The following TMEM30A variants were observed in gnomAD, a reference collection of about 807,000 sequenced individuals.
TMEM30A encodes the protein cell division cycle 50 P4-ATPase accessory subunit A.
TMEM30A carries 24 observed loss-of-function variants against 38.2 expected under a neutral mutation model. That is an observed-to-expected ratio of 0.63 (90% CI 0.46 to 0.88). The LOEUF (loss-of-function observed/expected upper bound fraction) is 0.88, where lower values mean the gene tolerates loss of function less well. Ranked by LOEUF, TMEM30A falls within the 40% of genes least tolerant of loss-of-function variation. The probability of loss-of-function intolerance (pLI) is 0.00; values close to 1 mark genes in which losing one functional copy is unlikely to be tolerated. For missense variants in TMEM30A, 370 were observed against 458.6 expected, an observed-to-expected ratio of 0.81 and a Z score of 1.77; for synonymous variants, 145 against 161.6, an observed-to-expected ratio of 0.90 and a Z score of 0.78.
intron 3 of TMEM30A, among the ~76,000 whole-genome samples, chr6:75,264,033 T>C (rs1333286539): frequency 1.3e-5 from 2 of 152,176 alleles, no homozygotes; most frequent in African/African-American, 2.4e-5. Flanking sequence ...TTCTCTGGAT[T>C]TGAGTGCTAA....
chr6:75,266,681 G>A (rs963249951), intron 2 of TMEM30A, among the ~76,000 whole-genome samples: 2 of 152,228 alleles, frequency 1.3e-5, no homozygotes, highest in Middle Eastern at 3.4e-3. Flanking sequence ...CTAGTCTCTC[G>A]TTTCTTCAAT....
chr6:75,280,321 T>A (rs1037300769), intron 1 of TMEM30A, among the ~76,000 whole-genome samples: 1 of 152,124 alleles, frequency 6.6e-6, no homozygotes, highest in African/African-American at 2.4e-5. Context: ...GCAGGCAATT[T>A]TTTTCTGTAA....
At chr6:75,264,453 T>C (rs1772028755) in intron 3 of TMEM30A, among the ~76,000 whole-genome samples, 1 of 152,044 alleles carries the variant, frequency 6.6e-6, no homozygotes, top group Non-Finnish European at 1.5e-5. Context: ...CTGGCCAGCG[T>C]GGCGAAACCC....
intron 6 of TMEM30A, among the ~76,000 whole-genome samples, 197 bp from the exon 7 acceptor site, chr6:75,256,492 T>C (rs1393782256): frequency 6.6e-6 from 1 of 152,098 alleles, no homozygotes; most frequent in East Asian, 1.9e-4. Context: ...AACTAAATGT[T>C]AGTAGTAAAA....
intron 1 of TMEM30A, chr6:75,272,621 A>G (rs1772191575): frequency 6.6e-6 from 1 of 152,250 alleles, no homozygotes; most frequent in African/African-American, 2.4e-5. Context: ...TGCTCTCACC[A>G]TTGTTCCATC....
At chr6:75,280,480 T>C (rs1201408674) in intron 1 of TMEM30A, among the ~76,000 whole-genome samples, 1 of 152,144 alleles carries the variant, frequency 6.6e-6, no homozygotes, top group Admixed American at 6.5e-5. Flanking sequence ...ATATGTACAA[T>C]TTTTTGGTAA....
intron 1 of TMEM30A, among the ~76,000 whole-genome samples, chr6:75,283,653 T>TAAAAA (rs77411428): frequency 7.4e-6 from 1 of 135,512 alleles, no homozygotes. Context: ...GCTCTTTTTG[T>TAAAAA]AAAAAAAAAA....
chr6:75,272,859 G>A (rs1399660315), intron 1 of TMEM30A: 1 of 152,206 alleles, frequency 6.6e-6, no homozygotes, highest in East Asian at 1.9e-4. Flanking sequence ...ACCAAAGGGA[G>A]AGATGGGTTC....
At position 75,284,485 on chromosome 6, in the gene TMEM30A, G is replaced by T. The variant is rs372431924; in HGVS notation, c.154C>A (p.Pro52Thr). 3.1e-6 allele frequency: 5 copies of T among 1,612,750 alleles called. No homozygotes were observed. The highest frequency in any genetic ancestry group is 4.2e-6 in the Non-Finnish European group (5 of 1,179,208). Reference sequence around the variant, plus strand: ...ATGAGACCGATGATGAAGAAAATAGGTAGCACCGTGCCAGCCGTAAGGATG... The same window carrying T: ...ATGAGACCGATGATGAAGAAAATAGTTAGCACCGTGCCAGCCGTAAGGATG... Reference protein sequence around the residue: ...QPILTAGTVLPIFFIIGLIFI... With the variant: ...QPILTAGTVLTIFFIIGLIFI... The change falls in exon 1 of 7, where the codon CCT (proline) becomes ACT (threonine). Residue 52 changes from proline (P) to threonine (T), a missense_variant. Pro to Thr is a conservative substitution (Grantham distance 38, BLOSUM62 -1). Coordinates refer to ENST00000230461, the MANE Select transcript of TMEM30A (RefSeq NM_018247.4).
chr6:75,284,077 T>TC (rs946195773), intron 1 of TMEM30A: 2 of 330,564 alleles, frequency 6.1e-6, no homozygotes, highest in African/African-American at 4.6e-5. Context: ...CCCCCACTAA[T>TC]CCCCCACGGA....
chr6:75,257,804 C>G (rs1010470332), intron 6 of TMEM30A, among the ~76,000 whole-genome samples: 2 of 152,088 alleles, frequency 1.3e-5, no homozygotes, highest in Non-Finnish European at 2.9e-5. Context: ...ATTTTAAAAC[C>G]AAAACCCATA....
chr6:75,260,730 C>A (rs1413367463), intron 4 of TMEM30A, 94 bp downstream of exon 4: 1 of 703,222 alleles, frequency 1.4e-6, no homozygotes, highest in Non-Finnish European at 2.2e-6. Context: ...TTGAGTTTCT[C>A]AATTTCATTC....
At chr6:75,265,408 T>C in intron 2 of TMEM30A, 70 bp from the exon 3 acceptor site, 3 of 859,272 alleles carry the variant, frequency 3.5e-6, no homozygotes, top group Non-Finnish European at 5.2e-6. Context: ...CATGTGTACA[T>C]AAAAGCTACG....
At chr6:75,284,269 G>C in intron 1 of TMEM30A, 133 bp downstream of exon 1, 1 of 814,646 alleles carries the variant, frequency 1.2e-6, no homozygotes, top group Middle Eastern at 2.6e-4. Flanking sequence ...CAGAGAAACA[G>C]AGGGAAGGGG....
At chr6:75,275,145 G>T (rs1289786075) in intron 1 of TMEM30A, among the ~76,000 whole-genome samples, 1 of 152,062 alleles carries the variant, frequency 6.6e-6, no homozygotes, top group Non-Finnish European at 1.5e-5. Flanking sequence ...TACCTCACTG[G>T]CTGCTCCTTT....
At chr6:75,259,598 T>G in intron 4 of TMEM30A, 108 bp from the exon 5 acceptor site, 1 of 976,156 alleles carries the variant, frequency 1.0e-6, no homozygotes, top group Non-Finnish European at 1.5e-6. Flanking sequence ...AAAGTGGTTG[T>G]GACAGAGTAG....
At chr6:75,282,986 C>G (rs1772384214) in intron 1 of TMEM30A, among the ~76,000 whole-genome samples, 1 of 152,000 alleles carries the variant, frequency 6.6e-6, no homozygotes, top group African/African-American at 2.4e-5. Flanking sequence ...ATGGTTAGAA[C>G]AAGTACTACA....
At chr6:75,259,305 A>G in intron 5 of TMEM30A, 42 bp downstream of exon 5, 2 of 1,550,300 alleles carry the variant, frequency 1.3e-6, no homozygotes, top group Admixed American at 2.1e-5. Context: ...CTTCATTAAA[A>G]CTCCTAGTTT....
At position 75,279,797 on chromosome 6, in the gene TMEM30A, T is replaced by C. The variant is rs142570797; in HGVS notation, c.237+4605A>G. Among the ~76,000 whole-genome samples, 902 of 152,298 alleles carry C rather than the reference T, an allele frequency of 5.9e-3. 6 individuals carry two copies. Among genetic ancestry groups the C allele is most frequent in the African/African-American group, 0.021 (871 of 41,568 alleles). ...AGTGGGAAAGGAGGAATTTGAAAGA[T>C]GCGCATTTTTTACACTATATAGGAA... On this transcript the variant is annotated intron_variant, in intron 1 of 6. Transcript: ENST00000230461.
Sources: gnomAD v4.1 joint callset for allele counts (sites outside exome capture counted in the v4.1 genomes callset) on GRCh38, gnomAD v4.1.1 for gene constraint, MANE v1.5 for transcripts, NCBI Gene and HGNC (gene_info 2026-07-23, HGNC 2026-07-21) for gene names.